NAT2: variants seen among roughly 807,000 people sequenced by gnomAD.
NAT2 encodes arylamine N-acetyltransferase 2.
For missense variants in NAT2, 428 were observed against 339.1 expected, an observed-to-expected ratio of 1.26 and a Z score of -2.06; for synonymous variants, 137 against 125.9, an observed-to-expected ratio of 1.09 and a Z score of -0.59.
intron 1 of NAT2, among the ~76,000 whole-genome samples, chr8:18,394,672 G>C (rs1457137714): frequency 6.6e-6 from 1 of 152,096 alleles, no homozygotes; most frequent in East Asian, 1.9e-4. Context: ...AACCTGTAAA[G>C]GAACCTGTAA....
chr8:18,399,607 A>T (rs572183962), intron 1 of NAT2, among the ~76,000 whole-genome samples: 5 of 152,272 alleles, frequency 3.3e-5, no homozygotes, highest in Non-Finnish European at 5.9e-5. Flanking sequence ...CATATACTCT[A>T]CTGTATAATT....
chr8:18,387,343 G>T (rs11783019), upstream of NAT2: 17,919 of 152,188 alleles, frequency 0.12, 1,139 homozygotes, highest in East Asian at 0.18. Flanking sequence ...CGCGCCCTCC[G>T]CCTGGTTCGG....
At position 18,400,793 on chromosome 8, in the gene NAT2, G is replaced by A. The variant is rs267601842; in HGVS notation, c.790G>A (p.Glu264Lys). 1 of 1,612,458 alleles carries A rather than the reference G, an allele frequency of 6.2e-7. No individual in the cohort carries two copies. The highest frequency in any genetic ancestry group is 1.3e-5 in the African/African-American group (1 of 74,820). ...TAAAACTCTCACTGAGGAAGAGGTT[G>A]AAGAAGTGCTGAGAAATATATTTAA... The part of the protein sequence containing the change: ...EFKTLTEEEV[E>K]EVLRNIFKIS... Residue 264 changes from glutamate to lysine, a missense_variant, in exon 2 of 2, where the codon GAA (glutamate) becomes AAA (lysine). By Grantham distance (56) the Glu-to-Lys change is moderately conservative. Transcript: ENST00000286479.
intron 1 of NAT2, among the ~76,000 whole-genome samples, chr8:18,394,021 G>T (rs182845680): frequency 1.5e-3 from 231 of 152,288 alleles, no homozygotes; most frequent in African/African-American, 5.2e-3. Flanking sequence ...CTGGGTGCAG[G>T]CGGGCTGAGT....
intron 1 of NAT2, among the ~76,000 whole-genome samples, chr8:18,396,699 T>A (rs1488405923): frequency 6.6e-6 from 1 of 152,198 alleles, no homozygotes; most frequent in East Asian, 1.9e-4. Flanking sequence ...CAGCCTGTAA[T>A]TTTTTAAATA....
chr8:18,397,353 A>T (rs1800710152), intron 1 of NAT2, among the ~76,000 whole-genome samples: 1 of 152,162 alleles, frequency 6.6e-6, no homozygotes, highest in Non-Finnish European at 1.5e-5. Flanking sequence ...AGATGTAAAG[A>T]AAGTTATAGA....
upstream of NAT2, among the ~76,000 whole-genome samples, chr8:18,389,982 A>G (rs1800567759): frequency 6.6e-6 from 1 of 152,212 alleles, no homozygotes. Flanking sequence ...AAAAAGGTGC[A>G]TTGTTGGCAG....
chr8:18,388,223 CAT>C (rs1166196757), upstream of NAT2, among the ~76,000 whole-genome samples: 2 of 152,168 alleles, frequency 1.3e-5, no homozygotes, highest in Non-Finnish European at 2.9e-5. Flanking sequence ...TGAATTATTA[CAT>C]GTTTGTATGT....
intron 1 of NAT2, among the ~76,000 whole-genome samples, chr8:18,393,081 TG>T (rs1297422927): frequency 6.6e-6 from 1 of 151,830 alleles, no homozygotes; most frequent in Admixed American, 6.6e-5. Flanking sequence ...CACTTCTGCT[TG>T]TTGGCCAGTG....
chr8:18,396,389 C>T (rs575182095), intron 1 of NAT2, among the ~76,000 whole-genome samples: 45 of 152,284 alleles, frequency 3.0e-4, no homozygotes, highest in South Asian at 2.5e-3. Flanking sequence ...GTTTTGTCCA[C>T]ATTTTTAACT....
intron 1 of NAT2, among the ~76,000 whole-genome samples, chr8:18,392,986 C>T (rs1800615140): frequency 6.6e-6 from 1 of 152,048 alleles, no homozygotes; most frequent in African/African-American, 2.4e-5. Flanking sequence ...CTGGGAAAGG[C>T]TTAGAAACAG....
chr8:18,395,579 G>T (rs577579416), intron 1 of NAT2, among the ~76,000 whole-genome samples: 1 of 151,884 alleles, frequency 6.6e-6, no homozygotes, highest in East Asian at 1.9e-4. Context: ...TGGCTTCAGG[G>T]GACTTAATAT....
intron 1 of NAT2, among the ~76,000 whole-genome samples, 200 bp downstream of exon 1, chr8:18,391,545 C>T (rs1198285517): frequency 6.6e-6 from 1 of 151,258 alleles, no homozygotes; most frequent in Non-Finnish European, 1.5e-5. Flanking sequence ...TTTTGGAGTT[C>T]AGGCACAACT....
At chr8:18,393,987 G>C (rs1464648980) in intron 1 of NAT2, among the ~76,000 whole-genome samples, 1 of 152,230 alleles carries the variant, frequency 6.6e-6, no homozygotes, top group Non-Finnish European at 1.5e-5. Flanking sequence ...GACTCTGTGT[G>C]AGCAACATGG....
chr8:18,394,557 G>A (rs1290490005), intron 1 of NAT2, among the ~76,000 whole-genome samples: 1 of 151,946 alleles, frequency 6.6e-6, no homozygotes, highest in African/African-American at 2.4e-5. Flanking sequence ...CTGTTTCTAC[G>A]AGATACCTGT....
At chr8:18,388,803 C>A (rs1356082164), upstream of NAT2, among the ~76,000 whole-genome samples, 1 of 152,166 alleles carries the variant, frequency 6.6e-6, no homozygotes, top group African/African-American at 2.4e-5. Flanking sequence ...TGTTGTTGCC[C>A]AGCCCATCTC....
Position 18,391,805 on chromosome 8 carries a change from G to A in NAT2, c.-7+460G>A, listed in dbSNP as rs114085702. On this transcript the variant is annotated intron_variant, in intron 1 of 1. Coordinates refer to ENST00000286479, the MANE Select transcript of NAT2 (RefSeq NM_000015.3). Reference sequence around the variant, plus strand: ...CTCTGATTGAGGAGAGAATAAATGAGAGTCTGACACCTTAAAAATCTGAAA... The same window carrying A: ...CTCTGATTGAGGAGAGAATAAATGAAAGTCTGACACCTTAAAAATCTGAAA... Among the ~76,000 whole-genome samples, 870 of 152,322 alleles carry A rather than the reference G, an allele frequency of 5.7e-3. 7 individuals are homozygous for A. Among genetic ancestry groups the A allele is most frequent in the African/African-American group, 0.02 (819 of 41,562 alleles).
intron 1 of NAT2, among the ~76,000 whole-genome samples, chr8:18,397,276 T>C (rs1217509348): frequency 6.6e-6 from 1 of 151,814 alleles, no homozygotes; most frequent in Non-Finnish European, 1.5e-5. Context: ...AAAAAGAAAA[T>C]CACTTTTGTC....
At chr8:18,398,008 A>G (rs1800722075) in intron 1 of NAT2, among the ~76,000 whole-genome samples, 1 of 152,244 alleles carries the variant, frequency 6.6e-6, no homozygotes, top group Non-Finnish European at 1.5e-5. Context: ...AGTAAGGGCC[A>G]GAAACCCTCT....
Sources: allele counts gnomAD v4.1 joint callset (sites outside exome capture counted in the v4.1 genomes callset), GRCh38; gene constraint gnomAD v4.1.1; transcripts MANE v1.5; gene names NCBI Gene and HGNC (gene_info 2026-07-23, HGNC 2026-07-21).